The following SP1 variants were observed in gnomAD, a reference collection of about 807,000 sequenced individuals.
The protein encoded by SP1 is Sp1 transcription factor.
In SP1, 6 loss-of-function variants were observed where a neutral mutation model predicts 66.3. The ratio of observed to expected loss-of-function variants is 0.09; its 90% confidence interval spans 0.05 to 0.18. The LOEUF is 0.18. Ranked by LOEUF, SP1 falls within the 10% of genes least tolerant of loss-of-function variation. SP1 has a pLI of 1.00. For synonymous variants in SP1, 417 were observed against 360.8 expected (o/e 1.16, Z -1.77); for missense variants, 848 against 964.5 (o/e 0.88, Z 1.60).
In SP1 at chr12:53,383,384, CCAAA is replaced by C; in HGVS notation, c.1441_1444del (p.Thr481SerfsTer3). The C allele has an allele frequency of 6.2e-7, 1 of 1,614,210 alleles. No individual in the cohort carries two copies. Among genetic ancestry groups the C allele is most frequent in the Non-Finnish European group, 8.5e-7 (1 of 1,180,022 alleles). ...ACCTCCAAGTTCAGAACCCACAAGCCCAAACAATCACCTTAGCCCCAATGCAGGG... is the reference window on the plus strand; with the variant it reads ...ACCTCCAAGTTCAGAACCCACAAGCCCAATCACCTTAGCCCCAATGCAGGG... On this transcript the variant is annotated frameshift_variant, in exon 3 of 6. Coordinates refer to ENST00000327443, the MANE Select transcript of SP1 (RefSeq NM_138473.3). LOFTEE classifies it high-confidence loss of function.
Position 53,409,482 on chromosome 12 carries a change from A to G in SP1, c.1965A>G (p.Pro655=). ...AHLRWHTGER[P]FMCTWSYCGK... ...TGCGCTGGCATACAGGCGAGAGGCC[A>G]TTTATGTGTACCTGGTCATACTGTG... The change falls in exon 5 of 6, where the codon CCA becomes CCG. Residue 655 remains proline (P), a synonymous_variant. Coordinates refer to ENST00000327443, the MANE Select transcript of SP1 (RefSeq NM_138473.3). The G allele has an allele frequency of 6.2e-7, 1 of 1,614,214 alleles. No homozygotes were observed. The highest frequency in any genetic ancestry group is 8.5e-7 in the Non-Finnish European group (1 of 1,180,036).
chr12:53,385,167 C>T (rs1226197646), intron 3 of SP1, among the ~76,000 whole-genome samples: 4 of 150,386 alleles, frequency 2.7e-5, no homozygotes, highest in Non-Finnish European at 4.4e-5. Flanking sequence ...TGGTGATGCG[C>T]GCCTGTAGTC....
intron 3 of SP1, among the ~76,000 whole-genome samples, chr12:53,397,181 T>G (rs1938509701): frequency 1.3e-5 from 2 of 151,792 alleles, no homozygotes; most frequent in African/African-American, 2.4e-5. Context: ...CTGGCTAATT[T>G]TTGTATTTTA....
In SP1 at chr12:53,394,957, CT is replaced by C. The variant is rs569416354; in HGVS notation, c.1675+11336del. 2.8e-3 allele frequency among the ~76,000 whole-genome samples: 428 copies of C among 152,056 alleles called. 10 individuals carry two copies. The highest frequency in any genetic ancestry group is 0.025 in the Admixed American group (380 of 15,238). ...TGTTGCCTAGGGTAGTCTTGAACTC[CT>C]GGGTTCAAGCAATCCTCCGACTCAG... On this transcript the variant is annotated intron_variant, in intron 3 of 5. Coordinates refer to ENST00000327443, the MANE Select transcript of SP1 (RefSeq NM_138473.3).
At chr12:53,398,074 CTG>C (rs1335134261) in intron 3 of SP1, among the ~76,000 whole-genome samples, 2 of 152,134 alleles carry the variant, frequency 1.3e-5, no homozygotes, top group Non-Finnish European at 2.9e-5. Context: ...TCTGAACTGA[CTG>C]TTAATTTAGT....
intron 3 of SP1, among the ~76,000 whole-genome samples, chr12:53,401,027 C>A (rs1053137598): frequency 1.3e-5 from 2 of 151,772 alleles, no homozygotes; most frequent in African/African-American, 4.8e-5. Context: ...CTCCTAAAGA[C>A]CAAAGTGCTG....
intron 3 of SP1, among the ~76,000 whole-genome samples, chr12:53,406,348 C>T (rs784883): frequency 0.08 from 12,226 of 152,006 alleles, 1,602 homozygotes; most frequent in African/African-American, 0.28. Flanking sequence ...GAATTACAGG[C>T]GTGAACCACT....
intron 3 of SP1, among the ~76,000 whole-genome samples, chr12:53,406,111 A>T (rs784882): frequency 1.6e-5 from 2 of 127,808 alleles, no homozygotes; most frequent in African/African-American, 5.7e-5. Context: ...TTGCTCTGTC[A>T]CCCAGGCTGG....
Position 53,409,353 on chromosome 12 carries a change from C to T in SP1, c.1845-9C>T. The T allele has an allele frequency of 1.2e-6, 2 of 1,611,696 alleles. No homozygotes were observed. Among genetic ancestry groups the T allele is most frequent in the Middle Eastern group, 1.8e-4 (1 of 5,652 alleles). On this transcript the variant is annotated splice_polypyrimidine_tract_variant and intron_variant, in intron 4 of 5. Coordinates refer to ENST00000327443, the MANE Select transcript of SP1 (RefSeq NM_138473.3). ...AATGAATGATTAACAGTTGTGTCCTCACTTTCAGGGGCTCGGGGGATCCTG... is the reference window on the plus strand; with the variant it reads ...AATGAATGATTAACAGTTGTGTCCTTACTTTCAGGGGCTCGGGGGATCCTG...
chr12:53,406,141 G>A (rs116329431), intron 3 of SP1, among the ~76,000 whole-genome samples: 4 of 135,498 alleles, frequency 3.0e-5, no homozygotes, highest in South Asian at 2.3e-4. Flanking sequence ...GTGCAGTCTC[G>A]CTAACTGCAA....
chr12:53,403,722 T>C (rs900797795), intron 3 of SP1, among the ~76,000 whole-genome samples: 5 of 152,114 alleles, frequency 3.3e-5, no homozygotes, highest in African/African-American at 7.2e-5. Context: ...CTAATACTTA[T>C]TTATAGTAAA....
intron 1 of SP1, 25 bp from the exon 2 acceptor site, chr12:53,381,634 G>A (rs1248382959): frequency 1.3e-6 from 2 of 1,578,886 alleles, no homozygotes; most frequent in African/African-American, 1.4e-5. Flanking sequence ...TCAAGTTTAC[G>A]TTGTTTGTTT....
intron 3 of SP1, among the ~76,000 whole-genome samples, chr12:53,384,655 C>T (rs1009463434): frequency 4.6e-5 from 7 of 152,168 alleles, no homozygotes; most frequent in African/African-American, 1.2e-4. Context: ...AGCTCTAAGG[C>T]CTTCTTTGGC....
intron 3 of SP1, among the ~76,000 whole-genome samples, chr12:53,389,827 C>G (rs1938310492): frequency 6.6e-6 from 1 of 152,080 alleles, no homozygotes; most frequent in African/African-American, 2.4e-5. Flanking sequence ...CTTGTGAGTT[C>G]TGTCTAATAA....
intron 3 of SP1, among the ~76,000 whole-genome samples, chr12:53,389,157 G>C (rs892661876): frequency 6.6e-6 from 1 of 150,562 alleles, no homozygotes; most frequent in African/African-American, 2.4e-5. Context: ...GATTGTGGAA[G>C]ATTGCAGCTT....
chr12:53,405,008 T>G lies in SP1; in HGVS notation c.1676-1577T>G, dbSNP rs139736100. 2.3e-3 allele frequency among the ~76,000 whole-genome samples: 354 copies of G among 152,080 alleles called. 1 individual carries two copies. The highest frequency in any genetic ancestry group is 8.2e-3 in the African/African-American group (341 of 41,512). On this transcript the variant is annotated intron_variant, in intron 3 of 5. Coordinates refer to ENST00000327443, the MANE Select transcript of SP1 (RefSeq NM_138473.3). Reference sequence around the variant, plus strand: ...TCCACCATACCCAGCTGATTTTTTTTGTTTTGTTTTTGTATTTTTAGTAGA... The same window carrying G: ...TCCACCATACCCAGCTGATTTTTTTGGTTTTGTTTTTGTATTTTTAGTAGA...
At chr12:53,410,006 T>C (rs1265724851) in intron 5 of SP1, among the ~76,000 whole-genome samples, 1 of 147,630 alleles carries the variant, frequency 6.8e-6, no homozygotes, top group East Asian at 2.0e-4. Context: ...CGAGACACTG[T>C]CTCAAAAAAA....
At chr12:53,409,952 A>G (rs771162683) in intron 5 of SP1, among the ~76,000 whole-genome samples, 18 of 150,862 alleles carry the variant, frequency 1.2e-4, no homozygotes, top group African/African-American at 2.2e-4. Flanking sequence ...GGAGCTTGCA[A>G]TGAGCCAAGA....
chr12:53,382,059 G>A (rs777636396), intron 2 of SP1, 51 bp from the exon 3 acceptor site: 4 of 1,559,022 alleles, frequency 2.6e-6, no homozygotes, highest in Admixed American at 3.4e-5. Context: ...TGCCCCCTAG[G>A]CTGGCAGCTG....
Sources: allele counts gnomAD v4.1 joint callset (sites outside exome capture counted in the v4.1 genomes callset), GRCh38; gene constraint gnomAD v4.1.1; transcripts MANE v1.5; gene names NCBI Gene and HGNC (gene_info 2026-07-23, HGNC 2026-07-21).